The following TMPRSS11A variants were observed in gnomAD, a reference collection of about 807,000 sequenced individuals.
TMPRSS11A encodes transmembrane serine protease 11A, also known as transmembrane protease serine 11A.
Under a neutral mutation model 58.9 loss-of-function variants are expected in TMPRSS11A, and 53 were observed. The observed-to-expected ratio is 0.90, with a 90% CI of 0.72 to 1.13. TMPRSS11A has a LOEUF of 1.13. Ranked by LOEUF, TMPRSS11A falls within the 50% of genes most tolerant of loss-of-function variation. TMPRSS11A has a pLI of 0.00. For missense variants in TMPRSS11A, 493 were observed against 499.3 expected (o/e 0.99, Z 0.12); for synonymous variants, 167 against 169.8 (o/e 0.98, Z 0.13).
At chr4:67,958,500 T>C (rs537458827) in intron 1 of TMPRSS11A, among the ~76,000 whole-genome samples, 2 of 152,362 alleles carry the variant, frequency 1.3e-5, no homozygotes, top group South Asian at 4.1e-4. Context: ...CTTTGGCCCC[T>C]TCATTTTGGC....
intron 4 of TMPRSS11A, among the ~76,000 whole-genome samples, chr4:67,930,616 T>C (rs997064977): frequency 6.6e-6 from 1 of 152,064 alleles, no homozygotes; most frequent in Non-Finnish European, 1.5e-5. Context: ...AACAATATTG[T>C]GGTCCCCGAG....
intron 3 of TMPRSS11A, among the ~76,000 whole-genome samples, chr4:67,934,848 C>T (rs971041798): frequency 1.3e-5 from 2 of 152,138 alleles, no homozygotes; most frequent in Admixed American, 6.6e-5. Flanking sequence ...GCTCCCCTTA[C>T]AGCAGTCAAT....
At chr4:67,960,392 G>T (rs1721395296) in intron 1 of TMPRSS11A, among the ~76,000 whole-genome samples, 1 of 152,146 alleles carries the variant, frequency 6.6e-6, no homozygotes, top group East Asian at 1.9e-4. Flanking sequence ...TCAGGCTCTG[G>T]CTCTATTTTT....
rs182771596 is a variant in TMPRSS11A at position 67,949,332 on chromosome 4, C to T, written c.12-2761G>A. Among the ~76,000 whole-genome samples, 306 of 152,180 alleles carry T rather than the reference C, an allele frequency of 2.0e-3. 2 individuals carry two copies. The highest frequency in any genetic ancestry group is 3.6e-3 in the Non-Finnish European group (243 of 68,026). On this transcript the variant is annotated intron_variant, in intron 1 of 9. Coordinates refer to ENST00000508048, the MANE Select transcript of TMPRSS11A (RefSeq NM_001114387.2). ...ATGGAAGTCATATCTTCAAATCCCACGGAAGAAGCTGTGAGCATCTGAGGG... is the reference window on the plus strand; with the variant it reads ...ATGGAAGTCATATCTTCAAATCCCATGGAAGAAGCTGTGAGCATCTGAGGG...
intron 7 of TMPRSS11A, among the ~76,000 whole-genome samples, chr4:67,921,207 A>G (rs2109739572): frequency 6.6e-6 from 1 of 152,352 alleles, no homozygotes; most frequent in Non-Finnish European, 1.5e-5. Flanking sequence ...AACTTTGGCA[A>G]AGTAAGTTTC....
chr4:67,938,742 T>C (rs1029506916), intron 3 of TMPRSS11A, among the ~76,000 whole-genome samples: 1 of 152,152 alleles, frequency 6.6e-6, no homozygotes, highest in African/African-American at 2.4e-5. Context: ...TATTTCTGGG[T>C]TCTCTATTCT....
chr4:67,922,666 A>G, intron 7 of TMPRSS11A, 89 bp downstream of exon 7: 1 of 1,269,570 alleles, frequency 7.9e-7, no homozygotes, highest in Non-Finnish European at 1.1e-6. Flanking sequence ...TACTTCAGTA[A>G]TATTTGAGAC....
At chr4:67,917,338 A>C (rs982935908) in intron 8 of TMPRSS11A, among the ~76,000 whole-genome samples, 1 of 152,112 alleles carries the variant, frequency 6.6e-6, no homozygotes, top group East Asian at 1.9e-4. Context: ...TTGTTTTTAC[A>C]AATTTCTTCG....
Position 67,946,477 on chromosome 4 carries a change from C to A in TMPRSS11A, c.106G>T (p.Gly36Cys). ...LSLTVVAVTIGLLVHFLVFDQ... is the reference protein window; with the variant it reads ...LSLTVVAVTICLLVHFLVFDQ... ...AATACTAGGAAGTGAACCAGGAGAC[C>A]TATGGTCACTGCCACCACTGTCAGG... Residue 36 changes from glycine (G) to cysteine (C), a missense_variant, in exon 2 of 10, where the codon GGT becomes TGT. By Grantham distance (159) the Gly-to-Cys change is radical (BLOSUM62 -3). Transcript: ENST00000508048. The A allele has an allele frequency of 6.2e-7, 1 of 1,607,628 alleles. No homozygotes were observed. Among genetic ancestry groups the A allele is most frequent in the African/African-American group, 1.3e-5 (1 of 74,680 alleles).
At chr4:67,944,146 G>C (rs972962073) in intron 3 of TMPRSS11A, among the ~76,000 whole-genome samples, 1 of 152,146 alleles carries the variant, frequency 6.6e-6, no homozygotes, top group Non-Finnish European at 1.5e-5. Flanking sequence ...TTACAAACAA[G>C]TGTGTGGACT....
In TMPRSS11A at chr4:67,930,829, T is replaced by TTTTTTAAA. The variant is rs1265700805; in HGVS notation, c.321-790_321-789insTTTAAAAA. Among the ~76,000 whole-genome samples the TTTTTTAAA allele has an allele frequency of 1.9e-3, 171 of 89,996 alleles. 1 individual carries two copies. The highest frequency in any genetic ancestry group is 3.6e-3 in the African/African-American group (76 of 21,240). The allele number at this position is 89,996 out of a possible 152,430, so 59.0% of individuals were successfully genotyped here. ...TCTCCTTTTTTTTTTTTTTTTTTTTTACAAAAAAAAAAAAAACTGTGAAAA... is the reference window on the plus strand; with the variant it reads ...TCTCCTTTTTTTTTTTTTTTTTTTTTTTTTTAAAACAAAAAAAAAAAAAACTGTGAAAA... On this transcript the variant is annotated intron_variant, in intron 4 of 9. Transcript: ENST00000508048.
At position 67,911,442 on chromosome 4, in the gene TMPRSS11A, A is replaced by G. The variant is rs1394490250; in HGVS notation, c.1157T>C (p.Ile386Thr). 1.2e-6 allele frequency: 2 copies of G among 1,613,638 alleles called. No homozygotes were observed. Among genetic ancestry groups the G allele is most frequent in the Middle Eastern group, 1.7e-4 (1 of 6,060 alleles). Residue 386 changes from isoleucine (I) to threonine (T), a missense_variant, in exon 10 of 10, where the codon ATT becomes ACT. Coordinates refer to ENST00000508048, the MANE Select transcript of TMPRSS11A (RefSeq NM_001114387.2). ...ACCACAGTTATCTCCCCAGCTTACA[A>G]TTCCAATGAGATACCACGTATCTTT... is the stretch of plus-strand genomic sequence containing the variant. ...DLKDTWYLIG[I>T]VSWGDNCGQK...
intron 3 of TMPRSS11A, among the ~76,000 whole-genome samples, chr4:67,940,755 C>T (rs1720862609): frequency 6.6e-6 from 1 of 152,190 alleles, no homozygotes; most frequent in South Asian, 2.1e-4. Flanking sequence ...AAACTCCACC[C>T]TTGGATCATG....
At chr4:67,930,122 G>A in intron 4 of TMPRSS11A, 82 bp from the exon 5 acceptor site, 1 of 1,305,964 alleles carries the variant, frequency 7.7e-7, no homozygotes, top group African/African-American at 1.5e-5. Flanking sequence ...TTCCTCCCCT[G>A]AATGATCCCT....
intron 8 of TMPRSS11A, among the ~76,000 whole-genome samples, chr4:67,916,326 G>T (rs1364959282): frequency 6.6e-6 from 1 of 151,886 alleles, no homozygotes; most frequent in East Asian, 1.9e-4. Flanking sequence ...TTCTTTAGAA[G>T]ACGATTTCCA....
At chr4:67,940,811 A>C (rs955677758) in intron 3 of TMPRSS11A, among the ~76,000 whole-genome samples, 1 of 152,216 alleles carries the variant, frequency 6.6e-6, no homozygotes, top group African/African-American at 2.4e-5. Context: ...AGAGACATAA[A>C]GCTCAATTGC....
chr4:67,937,413 G>C (rs1720778852), intron 3 of TMPRSS11A, among the ~76,000 whole-genome samples: 1 of 152,148 alleles, frequency 6.6e-6, no homozygotes, highest in African/African-American at 2.4e-5. Flanking sequence ...TATCTGTCAA[G>C]AAAAAGTTAG....
chr4:67,939,076 T>A (rs1376462569), intron 3 of TMPRSS11A, among the ~76,000 whole-genome samples: 1 of 152,182 alleles, frequency 6.6e-6, no homozygotes, highest in Non-Finnish European at 1.5e-5. Context: ...ATTTGTGTCA[T>A]CTCCGATTTC....
intron 5 of TMPRSS11A, among the ~76,000 whole-genome samples, chr4:67,926,543 C>T (rs1720471738): frequency 6.6e-6 from 1 of 152,318 alleles, no homozygotes; most frequent in African/African-American, 2.4e-5. Flanking sequence ...ATCCCTGAGG[C>T]AGCCGACTGT....
Sources: gnomAD v4.1 joint callset for allele counts (sites outside exome capture counted in the v4.1 genomes callset) on GRCh38, gnomAD v4.1.1 for gene constraint, MANE v1.5 for transcripts, NCBI Gene and HGNC (gene_info 2026-07-23, HGNC 2026-07-21) for gene names.